The following PLD5 variants were observed in gnomAD, a reference collection of about 807,000 sequenced individuals.
The protein encoded by PLD5 is inactive phospholipase D5.
In PLD5, 36 loss-of-function variants were observed where a neutral mutation model predicts 61.1. That is an observed-to-expected ratio of 0.59 (90% confidence interval 0.45 to 0.78). The LOEUF is 0.78. Ranked by LOEUF, PLD5 falls within the 30% of genes least tolerant of loss-of-function variation. The probability of loss-of-function intolerance (pLI) is 0.00; values close to 1 mark genes in which losing one functional copy is unlikely to be tolerated. For missense variants in PLD5, 515 were observed against 644.4 expected (o/e 0.80, Z 2.17); for synonymous variants, 243 against 242.8 (o/e 1.00, Z -0.01).
intron 5 of PLD5, among the ~76,000 whole-genome samples, chr1:242,212,247 G>C (rs1430119969): frequency 6.6e-6 from 1 of 152,188 alleles, no homozygotes; most frequent in Non-Finnish European, 1.5e-5. Flanking sequence ...AAGGACAGGG[G>C]ATATGCTACA....
At chr1:242,121,254 G>T (rs1231551318) in intron 6 of PLD5, among the ~76,000 whole-genome samples, 1 of 152,138 alleles carries the variant, frequency 6.6e-6, no homozygotes, top group Non-Finnish European at 1.5e-5. Flanking sequence ...TACCAATGAT[G>T]AAGAGGATAT....
Position 242,222,671 on chromosome 1 carries a change from GT to G in PLD5, c.608-2557del, listed in dbSNP as rs1349559168. Among the ~76,000 whole-genome samples the G allele has an allele frequency of 1.3e-5, 2 of 152,196 alleles. 1 individual carries two copies. The highest frequency in any genetic ancestry group is 4.8e-5 in the African/African-American group (2 of 41,450). ...AGCCCCAGCCCCAAGGCAGCACTGA[GT>G]CAATCTGAAGAGTCCACTGGGGACG... On this transcript the variant is annotated intron_variant, in intron 4 of 9. Coordinates refer to ENST00000536534, the MANE Select transcript of PLD5 (RefSeq NM_001372062.1).
intron 1 of PLD5, among the ~76,000 whole-genome samples, chr1:242,512,172 G>A (rs1427109687): frequency 6.6e-6 from 1 of 151,786 alleles, no homozygotes; most frequent in South Asian, 2.1e-4. Context: ...AGCACTTTGG[G>A]AGGCCAAGGA....
intron 1 of PLD5, among the ~76,000 whole-genome samples, chr1:242,429,608 T>A (rs2654875): frequency 0.68 from 103,521 of 151,976 alleles, 36,091 homozygotes; most frequent in African/African-American, 0.83. Flanking sequence ...ACCCAGGAAA[T>A]CTGCATGAAA....
chr1:242,157,292 T>C (rs773201910), intron 5 of PLD5, among the ~76,000 whole-genome samples: 6 of 152,242 alleles, frequency 3.9e-5, no homozygotes, highest in Non-Finnish European at 7.3e-5. Flanking sequence ...TTGCATTGGG[T>C]TAGAACATGC....
intron 1 of PLD5, among the ~76,000 whole-genome samples, chr1:242,450,904 G>T (rs1666751706): frequency 6.6e-6 from 1 of 152,150 alleles, no homozygotes; most frequent in Non-Finnish European, 1.5e-5. Flanking sequence ...GGGGTTACAT[G>T]AATTCAGTAA....
chr1:242,105,541 A>G (rs956372410), intron 8 of PLD5, among the ~76,000 whole-genome samples: 1 of 151,918 alleles, frequency 6.6e-6, no homozygotes, highest in Non-Finnish European at 1.5e-5. Context: ...TGTGCTTTTA[A>G]AAAGCTTATT....
intron 7 of PLD5, among the ~76,000 whole-genome samples, chr1:242,112,325 A>G (rs2341220): frequency 4.4e-3 from 244 of 54,904 alleles, no homozygotes; most frequent in African/African-American, 0.019. Context: ...GTGTGTGTGT[A>G]TGTATGTATA....
chr1:242,433,608 T>C (rs1444122601), intron 1 of PLD5, among the ~76,000 whole-genome samples: 3 of 152,238 alleles, frequency 2.0e-5, no homozygotes, highest in Admixed American at 6.5e-5. Flanking sequence ...GGCACAGCAG[T>C]GAACAAACTA....
At chr1:242,453,439 G>C (rs1182469730) in intron 1 of PLD5, among the ~76,000 whole-genome samples, 4 of 152,146 alleles carry the variant, frequency 2.6e-5, no homozygotes, top group Non-Finnish European at 5.9e-5. Flanking sequence ...GTTTTCTTAT[G>C]AGCAAATGCA....
intron 1 of PLD5, among the ~76,000 whole-genome samples, chr1:242,514,942 G>C (rs1225452025): frequency 6.6e-6 from 1 of 152,174 alleles, no homozygotes; most frequent in African/African-American, 2.4e-5. Context: ...AGGAGGTATA[G>C]CTGGAGAGAA....
chr1:242,397,140 C>A (rs185310150), intron 1 of PLD5, among the ~76,000 whole-genome samples: 5 of 152,126 alleles, frequency 3.3e-5, no homozygotes, highest in Admixed American at 1.3e-4. Flanking sequence ...ATTTTAAATA[C>A]CACTAAACCC....
Position 242,088,125 on chromosome 1 carries a change from C to T in PLD5, c.*1729G>A, listed in dbSNP as rs1659556153. Reference sequence around the variant, plus strand: ...TTTTGGCATTTAGAAATCAAGTCTCCAGAAATGAAAAAGAATAACTGAGTG... The same window carrying T: ...TTTTGGCATTTAGAAATCAAGTCTCTAGAAATGAAAAAGAATAACTGAGTG... On this transcript the variant is annotated 3_prime_UTR_variant, in exon 10 of 10. Coordinates refer to ENST00000536534, the MANE Select transcript of PLD5 (RefSeq NM_001372062.1). 6.6e-6 allele frequency: 1 copy of T among 152,124 alleles called. No homozygotes were observed. Among genetic ancestry groups the T allele is most frequent in the Non-Finnish European group, 1.5e-5 (1 of 68,024 alleles). 9.4% of individuals were successfully genotyped at this position (152,124 alleles called of 1,614,324 possible).
chr1:242,497,861 T>C (rs1405083652), intron 1 of PLD5, among the ~76,000 whole-genome samples: 3 of 152,276 alleles, frequency 2.0e-5, no homozygotes, highest in Non-Finnish European at 1.5e-5. Context: ...ACAGGGTGGC[T>C]GCCCTCATGG....
At chr1:242,310,908 G>C (rs1052154470) in intron 2 of PLD5, among the ~76,000 whole-genome samples, 12 of 152,114 alleles carry the variant, frequency 7.9e-5, no homozygotes, top group African/African-American at 2.2e-4. Context: ...TCATATCCCA[G>C]TAATCTTTAT....
intron 4 of PLD5, among the ~76,000 whole-genome samples, chr1:242,220,712 T>G (rs58116389): frequency 1.7e-5 from 1 of 60,276 alleles, no homozygotes; most frequent in East Asian, 7.7e-4. Context: ...AATTTATATT[T>G]TATTTTATTT....
At chr1:242,318,956 G>A (rs1382725437) in intron 2 of PLD5, among the ~76,000 whole-genome samples, 2 of 152,138 alleles carry the variant, frequency 1.3e-5, no homozygotes, top group African/African-American at 4.8e-5. Context: ...TGGGGAAAGG[G>A]GTGGAGGCAA....
chr1:242,218,746 TA>T (rs1167219050), intron 5 of PLD5, among the ~76,000 whole-genome samples: 2 of 152,234 alleles, frequency 1.3e-5, no homozygotes, highest in Non-Finnish European at 2.9e-5. Context: ...TGTTTAGAGC[TA>T]TATGGCTTGG....
At chr1:242,477,575 G>A (rs2102957512) in intron 1 of PLD5, among the ~76,000 whole-genome samples, 1 of 152,330 alleles carries the variant, frequency 6.6e-6, no homozygotes, top group East Asian at 1.9e-4. Flanking sequence ...ATGGCATCCT[G>A]GAGGGGAACA....
Sources: gnomAD v4.1 joint callset for allele counts (sites outside exome capture counted in the v4.1 genomes callset) on GRCh38, gnomAD v4.1.1 for gene constraint, MANE v1.5 for transcripts, NCBI Gene and HGNC (gene_info 2026-07-23, HGNC 2026-07-21) for gene names.